ROBO2: variants seen among roughly 807,000 people sequenced by gnomAD.
ROBO2 encodes roundabout homolog 2.
In ROBO2, 53 loss-of-function variants were observed where a neutral mutation model predicts 160.8. The ratio of observed to expected loss-of-function variants is 0.33; its 90% CI spans 0.26 to 0.41. The LOEUF (loss-of-function observed/expected upper bound fraction) is 0.41. Among genes scored for constraint, ROBO2 ranks in the 10% least tolerant of loss-of-function variants. The pLI, the probability that ROBO2 is intolerant of heterozygous loss-of-function variation, is 1.00. For synonymous variants in ROBO2, 664 were observed against 611.7 expected, an observed-to-expected ratio of 1.09 and a Z score of -1.26; for missense variants, 1,577 against 1,722.4, an observed-to-expected ratio of 0.92 and a Z score of 1.49.
chr3:76,173,830 G>A (rs1360949525), intron 2 of ROBO2, among the ~76,000 whole-genome samples: 2 of 152,026 alleles, frequency 1.3e-5, no homozygotes, highest in Admixed American at 6.5e-5. Context: ...ACATATATTT[G>A]CATGCGTTGT....
chr3:77,099,950 A>C lies in ROBO2; in HGVS notation c.388+1610A>C, dbSNP rs142311120. 2.7e-3 allele frequency among the ~76,000 whole-genome samples: 417 copies of C among 152,182 alleles called. 2 individuals are homozygous for C. The highest frequency in any genetic ancestry group is 9.4e-3 in the African/African-American group (392 of 41,558). On this transcript the variant is annotated intron_variant, in intron 2 of 25. Transcript: ENST00000461745. ...TCTGGTCTATTTTAAATATATAAAA[A>C]TTAAGAAATTTTAATTTTTCATTTT...
intron 2 of ROBO2, among the ~76,000 whole-genome samples, chr3:76,639,061 C>G (rs2090491719): frequency 6.6e-6 from 1 of 152,062 alleles, no homozygotes; most frequent in African/African-American, 2.4e-5. Context: ...TGAATTGACA[C>G]AAAGCCTGAA....
chr3:76,693,914 A>G (rs889627037), intron 2 of ROBO2, among the ~76,000 whole-genome samples: 1 of 152,216 alleles, frequency 6.6e-6, no homozygotes, highest in Non-Finnish European at 1.5e-5. Flanking sequence ...TGATTCAAGT[A>G]TCAGTCTCTC....
intron 21 of ROBO2, among the ~76,000 whole-genome samples, chr3:77,609,390 CAGAGCTT>C (rs2094582996): frequency 6.6e-6 from 1 of 151,990 alleles, no homozygotes; most frequent in Non-Finnish European, 1.5e-5. Context: ...GAGATTAATA[CAGAGCTT>C]AGAAACCTGC....
intron 2 of ROBO2, among the ~76,000 whole-genome samples, chr3:77,158,400 A>C (rs888500038): frequency 5.9e-5 from 9 of 152,226 alleles, no homozygotes; most frequent in Non-Finnish European, 7.4e-5. Flanking sequence ...TCAGTGTGTG[A>C]AAAACAGACG....
chr3:76,439,288 C>T (rs1303715603), intron 2 of ROBO2, among the ~76,000 whole-genome samples: 1 of 144,368 alleles, frequency 6.9e-6, no homozygotes, highest in African/African-American at 2.5e-5. Context: ...AAATGGGATT[C>T]TGCTGAAGGT....
At chr3:77,101,914 C>T (rs1005190062) in intron 2 of ROBO2, among the ~76,000 whole-genome samples, 4 of 152,114 alleles carry the variant, frequency 2.6e-5, no homozygotes, top group East Asian at 1.9e-4. Context: ...GTGGCTGGCA[C>T]CTGTAATCCC....
rs188535572 is a variant in ROBO2, at chr3:77,388,629, G to A, written c.389-88785G>A. On this transcript the variant is annotated intron_variant, in intron 2 of 25. Transcript: ENST00000461745. ...TTTATTCTGTGTTGTATATATTTAA[G>A]GTGATACAACATGATATTTTTATGA... Among the ~76,000 whole-genome samples, 72 of 152,052 alleles carry A rather than the reference G, an allele frequency of 4.7e-4. No homozygotes were observed. The East Asian group carries it at 0.013, about 28-fold the overall frequency.
chr3:77,379,914 A>T (rs905412298), intron 2 of ROBO2, among the ~76,000 whole-genome samples: 2 of 151,988 alleles, frequency 1.3e-5, no homozygotes, highest in African/African-American at 2.4e-5. Flanking sequence ...CTCAGTTGTT[A>T]GCTTTCACCC....
At chr3:77,353,335 C>T (rs1248586499) in intron 2 of ROBO2, among the ~76,000 whole-genome samples, 1 of 152,128 alleles carries the variant, frequency 6.6e-6, no homozygotes, top group East Asian at 1.9e-4. Context: ...ATCACCGTTC[C>T]TTGTTTTAGA....
chr3:76,583,036 AAAAC>A lies in ROBO2; in HGVS notation c.110-514970_110-514967del, dbSNP rs142800691. On this transcript the variant is annotated intron_variant, in intron 2 of 26. Transcript: ENST00000487694. ...AAAAAAAAAAAAAAGCAAGAGAGAA[AAAAC>A]AAACAAAGAAAAACACCTGACTTGT... is the stretch of plus-strand genomic sequence containing the variant. Among the ~76,000 whole-genome samples the A allele has an allele frequency of 8.2e-3, 1,248 of 152,088 alleles. 18 individuals are homozygous for A. Among genetic ancestry groups the A allele is most frequent in the African/African-American group, 0.028 (1,144 of 41,490 alleles).
intron 2 of ROBO2, among the ~76,000 whole-genome samples, chr3:77,307,866 G>C (rs1187863473): frequency 1.3e-5 from 2 of 152,076 alleles, no homozygotes; most frequent in African/African-American, 4.8e-5. Context: ...GCCAAGGCAG[G>C]AGAATCGCTG....
chr3:76,284,232 A>G (rs957582893), intron 2 of ROBO2, among the ~76,000 whole-genome samples: 2 of 152,042 alleles, frequency 1.3e-5, no homozygotes, highest in African/African-American at 2.4e-5. Context: ...TACCTTGGCA[A>G]TAAAACCAAT....
At chr3:76,268,907 A>G (rs1324746170) in intron 2 of ROBO2, among the ~76,000 whole-genome samples, 1 of 151,968 alleles carries the variant, frequency 6.6e-6, no homozygotes, top group Non-Finnish European at 1.5e-5. Flanking sequence ...CTATACTTAG[A>G]CTCTTACTCC....
intron 5 of ROBO2, 126 bp from the exon 6 acceptor site, chr3:77,522,649 A>G: frequency 1.1e-6 from 1 of 917,492 alleles, no homozygotes. Context: ...TTTGTGGCTG[A>G]TTTGTGTGTG....
chr3:76,091,362 G>T (rs540516351), intron 2 of ROBO2, among the ~76,000 whole-genome samples: 1 of 152,014 alleles, frequency 6.6e-6, no homozygotes, highest in Admixed American at 6.6e-5. Flanking sequence ...TTAAGGAATC[G>T]CAAATTGAAA....
At chr3:76,725,057 T>A (rs1386886188) in intron 2 of ROBO2, among the ~76,000 whole-genome samples, 2 of 152,174 alleles carry the variant, frequency 1.3e-5, no homozygotes, top group Non-Finnish European at 2.9e-5. Flanking sequence ...GTCAGCTCAG[T>A]AATACTGATT....
At chr3:76,418,432 G>T (rs570201696) in intron 2 of ROBO2, among the ~76,000 whole-genome samples, 2 of 149,948 alleles carry the variant, frequency 1.3e-5, no homozygotes, top group Non-Finnish European at 3.0e-5. Context: ...GTAGAGACAG[G>T]GTTTCACCAT....
intron 2 of ROBO2, among the ~76,000 whole-genome samples, chr3:77,139,336 G>A (rs1451653342): frequency 1.3e-5 from 2 of 152,040 alleles, no homozygotes; most frequent in African/African-American, 4.8e-5. Flanking sequence ...CTCCTTCCAT[G>A]TACTTTATTC....
Sources: gnomAD v4.1 joint callset for allele counts (sites outside exome capture counted in the v4.1 genomes callset) on GRCh38, gnomAD v4.1.1 for gene constraint, MANE v1.5 for transcripts, NCBI Gene and HGNC (gene_info 2026-07-23, HGNC 2026-07-21) for gene names.